PRKG2: variants seen among roughly 807,000 people sequenced by gnomAD.
PRKG2 encodes cGMP-dependent protein kinase 2.
PRKG2 carries 33 observed loss-of-function variants against 97.2 expected under a neutral mutation model. The ratio of observed to expected loss-of-function variants is 0.34; its 90% confidence interval spans 0.26 to 0.45. The LOEUF (loss-of-function observed/expected upper bound fraction) is 0.45. PRKG2 is among the 20% of genes least tolerant of loss of function. The pLI is 1.00. For synonymous variants in PRKG2, 330 were observed against 321.8 expected (o/e 1.03, Z -0.27); for missense variants, 638 against 900.0 (o/e 0.71, Z 3.73).
At chr4:81,128,016 G>GT (rs1358624723) in intron 14 of PRKG2, among the ~76,000 whole-genome samples, 1 of 152,260 alleles carries the variant, frequency 6.6e-6, no homozygotes, top group South Asian at 2.1e-4. Flanking sequence ...TTAATGCCTA[G>GT]TTTATTGAGA....
chr4:81,211,605 T>G (rs1231920240), intron 1 of PRKG2, among the ~76,000 whole-genome samples: 1 of 151,846 alleles, frequency 6.6e-6, no homozygotes, highest in East Asian at 1.9e-4. Context: ...AGGAATGGAG[T>G]AAAAAGAGCT....
At chr4:81,195,268 G>T (rs527370714) in intron 2 of PRKG2, among the ~76,000 whole-genome samples, 17 of 152,208 alleles carry the variant, frequency 1.1e-4, no homozygotes, top group African/African-American at 3.9e-4. Flanking sequence ...ATACACAAGT[G>T]AGAAAATCCC....
intron 14 of PRKG2, among the ~76,000 whole-genome samples, chr4:81,130,678 G>A (rs1746085242): frequency 6.6e-6 from 1 of 152,178 alleles, no homozygotes; most frequent in East Asian, 1.9e-4. Flanking sequence ...TTCTTTCACA[G>A]ATGCCCTGTC....
At chr4:81,158,729 G>T (rs1439838003) in intron 6 of PRKG2, among the ~76,000 whole-genome samples, 3 of 152,048 alleles carry the variant, frequency 2.0e-5, no homozygotes, top group Non-Finnish European at 4.4e-5. Flanking sequence ...AAAACAGCAT[G>T]GTGCTGGTAC....
intron 6 of PRKG2, among the ~76,000 whole-genome samples, chr4:81,155,119 A>C (rs1305669538): frequency 7.1e-6 from 1 of 140,344 alleles, no homozygotes; most frequent in Non-Finnish European, 1.5e-5. Context: ...CGGAGCTTGC[A>C]GTGAGCCGAG....
At chr4:81,113,362 C>CA (rs1744174527) in intron 14 of PRKG2, among the ~76,000 whole-genome samples, 1 of 146,258 alleles carries the variant, frequency 6.8e-6, no homozygotes, top group South Asian at 2.2e-4. Flanking sequence ...TCAAGAAGAG[C>CA]ACCCCCCCTT....
chr4:81,155,996 C>T (rs967144604), intron 6 of PRKG2, among the ~76,000 whole-genome samples: 11 of 152,120 alleles, frequency 7.2e-5, no homozygotes, highest in Middle Eastern at 3.4e-3. Flanking sequence ...TAAAGACCAT[C>T]GAGACTAGGA....
intron 17 of PRKG2, among the ~76,000 whole-genome samples, chr4:81,100,877 C>T (rs1445995352): frequency 1.3e-5 from 2 of 152,046 alleles, no homozygotes; most frequent in African/African-American, 4.8e-5. Context: ...CAAGAAAAAA[C>T]AAACAAGCCC....
chr4:81,097,039 C>T (rs1054358604), intron 17 of PRKG2, among the ~76,000 whole-genome samples: 6 of 152,138 alleles, frequency 3.9e-5, no homozygotes, highest in Non-Finnish European at 8.8e-5. Context: ...TATAGCCTTA[C>T]AAAATGTATT....
rs547197944 is a variant in PRKG2 at position 81,209,349 on chromosome 4, G to T, written c.-13-4289C>A. 2.9e-4 allele frequency among the ~76,000 whole-genome samples: 44 copies of T among 152,036 alleles called. 1 individual carries two copies. The South Asian group carries it at 8.3e-3, about 29-fold the overall frequency. The stretch of plus-strand genomic sequence containing the variant: ...ATCTATTTCTCTCTCTACCCATCTG[G>T]AGTCTGTTATAAATATACACAGACA... On this transcript the variant is annotated intron_variant, in intron 1 of 18. Coordinates refer to ENST00000264399, the MANE Select transcript of PRKG2 (RefSeq NM_006259.3).
chr4:81,131,809 T>C (rs1746205933), intron 14 of PRKG2, among the ~76,000 whole-genome samples: 1 of 152,220 alleles, frequency 6.6e-6, no homozygotes, highest in African/African-American at 2.4e-5. Flanking sequence ...TTATTTGTCT[T>C]TTCCTATACC....
Position 81,110,600 on chromosome 4 carries a change from T to C in PRKG2, c.1788A>G (p.Gly596=), listed in dbSNP as rs1324567254. The part of the protein sequence containing the change: ...AEGYLKLVDF[G]FAKKIGSGQK... ...GTCCAGACCCTATTTTCTTCGCAAA[T>C]CCAAAGTCAACCTGGTAAAGAATAG... Residue 596 remains glycine, a synonymous_variant, in exon 15 of 19, where the codon GGA becomes GGG. Transcript: ENST00000264399. 5.6e-6 allele frequency: 9 copies of C among 1,613,578 alleles called. No individual in the cohort carries two copies. The highest frequency in any genetic ancestry group is 5.0e-5 in the Admixed American group (3 of 59,920).
In PRKG2 at chr4:81,152,023, T is replaced by C; in HGVS notation, c.1022A>G (p.Asp341Gly). Reference protein sequence around the residue: ...VKVTQSTEGHDQPQLIKTLQK... With the variant: ...VKVTQSTEGHGQPQLIKTLQK... Reference sequence around the variant, plus strand: ...CAGTGTTTTTATCAGCTGTGGTTGATCATGGCCTTCTGTGCTCTGTGTTAC... The same window carrying C: ...CAGTGTTTTTATCAGCTGTGGTTGACCATGGCCTTCTGTGCTCTGTGTTAC... Residue 341 changes from aspartate (D) to glycine (G), a missense_variant, in exon 8 of 19, where the codon GAT becomes GGT. Asp to Gly is a moderately conservative substitution (Grantham distance 94). Coordinates refer to ENST00000264399, the MANE Select transcript of PRKG2 (RefSeq NM_006259.3). The C allele has an allele frequency of 6.2e-7, 1 of 1,613,276 alleles. No homozygotes were observed.
intron 15 of PRKG2, among the ~76,000 whole-genome samples, chr4:81,106,841 G>A (rs1044008604): frequency 3.3e-5 from 5 of 152,174 alleles, no homozygotes; most frequent in South Asian, 2.1e-4. Context: ...CTAGTTGCCT[G>A]GCTTTTGGCC....
chr4:81,169,875 T>C, intron 4 of PRKG2, 107 bp from the exon 5 acceptor site: 1 of 637,888 alleles, frequency 1.6e-6, no homozygotes, highest in South Asian at 2.8e-5. Flanking sequence ...ATGGTACTTC[T>C]TGGAAAATGT....
chr4:81,111,950 T>C (rs772685100), intron 14 of PRKG2, among the ~76,000 whole-genome samples: 14 of 152,154 alleles, frequency 9.2e-5, no homozygotes, highest in Admixed American at 2.0e-4. Flanking sequence ...TTCTCAATAA[T>C]ACAGCAACAA....
chr4:81,153,725 T>G lies in PRKG2; in HGVS notation c.913-4A>C, dbSNP rs769860120. ...AATCTCCTTTGTCATAGTATTCCTGTTGGGATGAGAGAGAAAGAAAATGTA... is the reference window on the plus strand; with the variant it reads ...AATCTCCTTTGTCATAGTATTCCTGGTGGGATGAGAGAGAAAGAAAATGTA... On this transcript the variant is annotated splice_region_variant and splice_polypyrimidine_tract_variant and intron_variant, in intron 6 of 18. Coordinates refer to ENST00000264399, the MANE Select transcript of PRKG2 (RefSeq NM_006259.3). The G allele has an allele frequency of 1.3e-6, 2 of 1,596,202 alleles. No individual in the cohort carries two copies. Among genetic ancestry groups the G allele is most frequent in the Non-Finnish European group, 1.7e-6 (2 of 1,164,162 alleles).
chr4:81,105,691 A>G, intron 16 of PRKG2, 122 bp downstream of exon 16: 1 of 1,354,580 alleles, frequency 7.4e-7, no homozygotes. Flanking sequence ...CTTCAAATAT[A>G]ATTTGCCTAT....
At chr4:81,166,740 G>C (rs1750020962) in intron 6 of PRKG2, among the ~76,000 whole-genome samples, 1 of 152,022 alleles carries the variant, frequency 6.6e-6, no homozygotes, top group South Asian at 2.1e-4. Flanking sequence ...GCCTGACTCA[G>C]AGGCTTGCCA....
Sources: gnomAD v4.1 joint callset for allele counts (sites outside exome capture counted in the v4.1 genomes callset) on GRCh38, gnomAD v4.1.1 for gene constraint, MANE v1.5 for transcripts, NCBI Gene and HGNC (gene_info 2026-07-23, HGNC 2026-07-21) for gene names.